The following MAN1A1 variants were observed in gnomAD, a reference collection of about 807,000 sequenced individuals.
The protein encoded by MAN1A1 is mannosyl-oligosaccharide 1,2-alpha-mannosidase IA.
A neutral mutation model predicts 70.8 loss-of-function variants in MAN1A1; 29 were observed. The observed-to-expected ratio is 0.41, with a 90% CI of 0.31 to 0.56. The LOEUF (loss-of-function observed/expected upper bound fraction) is 0.56, where lower values mean the gene tolerates loss of function less well. MAN1A1 is among the 20% of genes least tolerant of loss of function. The pLI, the probability that MAN1A1 is intolerant of heterozygous loss-of-function variation, is 0.29. For synonymous variants in MAN1A1, 349 were observed against 330.1 expected (o/e 1.06, Z -0.62); for missense variants, 747 against 841.3 (o/e 0.89, Z 1.39).
At chr6:119,302,698 C>A (rs922545173) in intron 3 of MAN1A1, among the ~76,000 whole-genome samples, 1 of 152,042 alleles carries the variant, frequency 6.6e-6, no homozygotes, top group African/African-American at 2.4e-5. Context: ...CATTCTCTAG[C>A]AAGAAAAGAA....
intron 2 of MAN1A1, among the ~76,000 whole-genome samples, chr6:119,315,958 T>C (rs146149466): frequency 2.2e-3 from 330 of 152,302 alleles, no homozygotes; most frequent in Non-Finnish European, 4.2e-3. Flanking sequence ...CGGCAGATTT[T>C]TAATTAACAC....
chr6:119,275,010 C>G (rs1329264946), intron 5 of MAN1A1, among the ~76,000 whole-genome samples: 1 of 152,148 alleles, frequency 6.6e-6, no homozygotes, highest in Non-Finnish European at 1.5e-5. Context: ...CTATTATTAA[C>G]TCATAAGCAT....
At chr6:119,308,974 T>G (rs1772627518) in intron 2 of MAN1A1, among the ~76,000 whole-genome samples, 1 of 152,238 alleles carries the variant, frequency 6.6e-6, no homozygotes, top group Non-Finnish European at 1.5e-5. Flanking sequence ...TTTTCCTATC[T>G]TCTTCCCTCA....
chr6:119,294,847 A>G (rs929558803), intron 4 of MAN1A1, among the ~76,000 whole-genome samples: 2 of 152,158 alleles, frequency 1.3e-5, no homozygotes, highest in African/African-American at 4.8e-5. Flanking sequence ...TAAAATCAAG[A>G]GATGAGTATT....
At chr6:119,183,190 T>C (rs1773197225) in intron 11 of MAN1A1, among the ~76,000 whole-genome samples, 1 of 152,178 alleles carries the variant, frequency 6.6e-6, no homozygotes, top group Non-Finnish European at 1.5e-5. Flanking sequence ...AGCATTTAAT[T>C]ACCTGGTTAA....
At chr6:119,239,619 G>A (rs536571862) in intron 6 of MAN1A1, among the ~76,000 whole-genome samples, 1 of 152,240 alleles carries the variant, frequency 6.6e-6, no homozygotes, top group South Asian at 2.1e-4. Flanking sequence ...CTTGATACCT[G>A]CGCTGATTTT....
chr6:119,296,436 C>A (rs561283827), intron 4 of MAN1A1, among the ~76,000 whole-genome samples: 2 of 152,260 alleles, frequency 1.3e-5, no homozygotes, highest in South Asian at 2.1e-4. Context: ...CTTCATTTAA[C>A]AGGATAATTA....
In MAN1A1 at chr6:119,213,578, C is replaced by T. The variant is rs1774110303; in HGVS notation, c.993-8696G>A. Among the ~76,000 whole-genome samples the T allele has an allele frequency of 2.0e-5, 3 of 152,166 alleles. 1 individual carries two copies. The South Asian group carries it at 6.2e-4, about 32-fold the overall frequency. ...ACACCTTTATATAAAATATAGTCAG[C>T]GTTAAAGGACAATCTGCATATAATC... On this transcript the variant is annotated intron_variant, in intron 6 of 12. Transcript: ENST00000368468.
At chr6:119,280,820 A>G (rs1776208678) in intron 5 of MAN1A1, among the ~76,000 whole-genome samples, 1 of 152,248 alleles carries the variant, frequency 6.6e-6, no homozygotes, top group Non-Finnish European at 1.5e-5. Flanking sequence ...AAGTGATTCA[A>G]TATAAATCAA....
intron 6 of MAN1A1, among the ~76,000 whole-genome samples, chr6:119,243,822 A>G (rs764541201): frequency 4.6e-5 from 7 of 152,120 alleles, no homozygotes; most frequent in Non-Finnish European, 8.8e-5. Flanking sequence ...GTTGTGCCTC[A>G]TTCATCACCT....
At chr6:119,260,039 C>T (rs57230792) in intron 5 of MAN1A1, among the ~76,000 whole-genome samples, 1 of 152,024 alleles carries the variant, frequency 6.6e-6, no homozygotes, top group East Asian at 1.9e-4. Context: ...TGTTTTAAAC[C>T]CATCCCTACC....
Position 119,304,930 on chromosome 6 carries a change from T to G in MAN1A1, c.700+1966A>C, listed in dbSNP as rs1772487290. ...ACAGATAAGAAATTTGGCTGAGAAG[T>G]GGGCTAAAGAAATCATTTCTCATCC... On this transcript the variant is annotated intron_variant, in intron 3 of 12. Transcript: ENST00000368468. Among the ~76,000 whole-genome samples, 6 of 135,972 alleles carry G rather than the reference T, an allele frequency of 4.4e-5. No homozygotes were observed. In the South Asian group the frequency reaches 1.3e-3, roughly 30 times the overall value. 89.2% of individuals were successfully genotyped at this position (135,972 alleles called of 152,430 possible).
intron 6 of MAN1A1, among the ~76,000 whole-genome samples, chr6:119,236,487 C>A (rs894183945): frequency 6.6e-6 from 1 of 152,040 alleles, no homozygotes; most frequent in African/African-American, 2.4e-5. Flanking sequence ...GCAGGTGGAT[C>A]ACTTGCTGGT....
chr6:119,216,395 G>T (rs972356177), intron 6 of MAN1A1, among the ~76,000 whole-genome samples: 6 of 152,172 alleles, frequency 3.9e-5, no homozygotes, highest in Non-Finnish European at 4.4e-5. Context: ...AGCGATGTTC[G>T]GGAGGTAAGA....
rs577013078 is a variant in MAN1A1, at chr6:119,342,391, A to G, written c.603+6072T>C. ...GTGGTGACCAGTAACAGCAATAATC[A>G]CAAGCAGCATTTGTTGTGTGCCCAC... On this transcript the variant is annotated intron_variant, in intron 2 of 12. Coordinates refer to ENST00000368468, the MANE Select transcript of MAN1A1 (RefSeq NM_005907.4). Among the ~76,000 whole-genome samples, 4 of 152,270 alleles carry G rather than the reference A, an allele frequency of 2.6e-5. No homozygotes were observed. The South Asian group carries it at 8.3e-4, about 32-fold the overall frequency.
At position 119,348,512 on chromosome 6, in the gene MAN1A1, C is replaced by A. The variant is rs779549784; in HGVS notation, c.554G>T (p.Arg185Leu). Residue 185 changes from arginine (R) to leucine (L), a missense_variant, in exon 2 of 13, where the codon CGG (arginine) becomes CTG (leucine). Physicochemically the swap from Arg to Leu is moderately radical, Grantham distance 102. Coordinates refer to ENST00000368468, the MANE Select transcript of MAN1A1 (RefSeq NM_005907.4). The part of the protein sequence containing the change: ...DFVPPIGVES[R>L]EPADAAIREK... Reference sequence around the variant, plus strand: ...GCGGATGGCGGCGTCGGCGGGCTCCCGGCTCTCCACCCCGATTGGGGGCAC... The same window carrying A: ...GCGGATGGCGGCGTCGGCGGGCTCCAGGCTCTCCACCCCGATTGGGGGCAC... The A allele has an allele frequency of 6.2e-7, 1 of 1,610,900 alleles. No homozygotes were observed. Among genetic ancestry groups the A allele is most frequent in the Non-Finnish European group, 8.5e-7 (1 of 1,178,484 alleles).
At chr6:119,320,783 T>A (rs1273642070) in intron 2 of MAN1A1, among the ~76,000 whole-genome samples, 2 of 152,188 alleles carry the variant, frequency 1.3e-5, no homozygotes, top group Non-Finnish European at 2.9e-5. Context: ...AATATTGTTA[T>A]CAAAGAAGGC....
intron 6 of MAN1A1, among the ~76,000 whole-genome samples, chr6:119,234,182 G>A (rs949135149): frequency 6.6e-6 from 1 of 152,066 alleles, no homozygotes; most frequent in Non-Finnish European, 1.5e-5. Flanking sequence ...GAACAAATCT[G>A]CATTTTGAAA....
chr6:119,270,999 C>T (rs1419499731), intron 5 of MAN1A1, among the ~76,000 whole-genome samples: 1 of 152,208 alleles, frequency 6.6e-6, no homozygotes, highest in East Asian at 1.9e-4. Context: ...CAACTACTTT[C>T]TCTTCCATAG....
Sources: allele counts gnomAD v4.1 joint callset (sites outside exome capture counted in the v4.1 genomes callset), GRCh38; gene constraint gnomAD v4.1.1; transcripts MANE v1.5; gene names NCBI Gene and HGNC (gene_info 2026-07-23, HGNC 2026-07-21).